Variants in NEBL observed in about 807,000 individuals in gnomAD.
NEBL encodes nebulette, also known as LIM and SH3 protein 2.
In NEBL, 122 loss-of-function variants were observed where a neutral mutation model predicts 140.2. The ratio of observed to expected loss-of-function variants is 0.87; its 90% CI spans 0.75 to 1.01. The LOEUF is 1.01. NEBL is among the 50% of genes least tolerant of loss of function. The probability of loss-of-function intolerance (pLI) is 0.00; values close to 1 mark genes in which losing one functional copy is unlikely to be tolerated. For synonymous variants in NEBL, 436 were observed against 398.9 expected (o/e 1.09, Z -1.11); for missense variants, 1,365 against 1,231.3 (o/e 1.11, Z -1.62).
Position 21,204,157 on chromosome 10 carries a change from C to G in NEBL, n.349-31680G>C, listed in dbSNP as rs111602840. Among the ~76,000 whole-genome samples, 801 of 152,298 alleles carry G rather than the reference C, an allele frequency of 5.3e-3. 4 individuals are homozygous for G. Among genetic ancestry groups the G allele is most frequent in the Non-Finnish European group, 8.8e-3 (599 of 68,030 alleles). The stretch of plus-strand genomic sequence containing the variant: ...GTTACCCCTGTGAGCACCTGAACTT[C>G]AGTCCTACTGGGGTCCTCTGGGAGA... On this transcript the variant is annotated intron_variant and non_coding_transcript_variant, in intron 3 of 8. Transcript: ENST00000675702.
intron 4 of NEBL, among the ~76,000 whole-genome samples, chr10:20,917,809 T>C (rs1465837708): frequency 6.6e-6 from 1 of 152,224 alleles, no homozygotes; most frequent in African/African-American, 2.4e-5. Flanking sequence ...GATACTTCTT[T>C]GAGAAGCCAA....
chr10:20,986,995 G>T (rs1837282358), intron 3 of NEBL, among the ~76,000 whole-genome samples: 1 of 152,112 alleles, frequency 6.6e-6, no homozygotes, highest in South Asian at 2.1e-4. Flanking sequence ...TTTAGCAATT[G>T]TAAAGCATCG....
intron 2 of NEBL, among the ~76,000 whole-genome samples, chr10:21,102,681 A>G (rs1837528290): frequency 6.6e-6 from 1 of 152,178 alleles, no homozygotes; most frequent in Admixed American, 6.5e-5. Flanking sequence ...GTACTATTGC[A>G]TTGTATGAGT....
At chr10:21,206,828 G>A (rs1841833178) in intron 3 of NEBL, among the ~76,000 whole-genome samples, 3 of 152,086 alleles carry the variant, frequency 2.0e-5, no homozygotes, top group Non-Finnish European at 4.4e-5. Flanking sequence ...GGATTTTCCA[G>A]CTGGTTGTCA....
chr10:20,801,066 A>G (rs1837073980), intron 26 of NEBL, among the ~76,000 whole-genome samples: 1 of 152,190 alleles, frequency 6.6e-6, no homozygotes, highest in South Asian at 2.1e-4. Flanking sequence ...ATCTAGACAC[A>G]CAGCCTCAAG....
At chr10:20,798,914 C>A (rs901158253) in intron 26 of NEBL, among the ~76,000 whole-genome samples, 6 of 152,122 alleles carry the variant, frequency 3.9e-5, no homozygotes, top group African/African-American at 1.4e-4. Flanking sequence ...GAAAAGAAAA[C>A]GTATGACATT....
At chr10:21,139,226 T>A (rs1839502293) in intron 2 of NEBL, among the ~76,000 whole-genome samples, 1 of 152,146 alleles carries the variant, frequency 6.6e-6, no homozygotes, top group Admixed American at 6.5e-5. Flanking sequence ...TAATTCAAAG[T>A]AACATGAAGA....
At chr10:20,970,019 G>C (rs1564466250) in intron 3 of NEBL, among the ~76,000 whole-genome samples, 1 of 152,146 alleles carries the variant, frequency 6.6e-6, no homozygotes, top group Non-Finnish European at 1.5e-5. Context: ...TAGTATCTCT[G>C]AGATTCAGTT....
intron 2 of NEBL, among the ~76,000 whole-genome samples, chr10:21,123,455 C>T (rs1350645940): frequency 3.9e-5 from 6 of 152,176 alleles, no homozygotes; most frequent in Non-Finnish European, 8.8e-5. Flanking sequence ...TATTCATACA[C>T]TGAAGATATC....
intron 1 of NEBL, among the ~76,000 whole-genome samples, chr10:21,279,223 A>G (rs560967167): frequency 7.8e-4 from 119 of 152,018 alleles, no homozygotes; most frequent in African/African-American, 2.8e-3. Flanking sequence ...TTATTTATGG[A>G]TGCCAAGATT....
In NEBL at chr10:21,102,998, C is replaced by T. The variant is rs1478808968; in HGVS notation, c.164+69385G>A. Among the ~76,000 whole-genome samples the T allele has an allele frequency of 2.9e-5, 4 of 138,170 alleles. No individual in the cohort carries two copies. In the East Asian group the frequency reaches 9.2e-4, roughly 32 times the overall value. The allele number at this position is 138,170 out of a possible 152,430, so 90.6% of individuals were successfully genotyped here. ...TCCCCCCACCCCACTTCCAGACAGG[C>T]CCCAGTGCATATTGTTCCCCTCCTT... On this transcript the variant is annotated intron_variant, in intron 2 of 6. Coordinates refer to the NEBL transcript ENST00000417816.
intron 3 of NEBL, among the ~76,000 whole-genome samples, chr10:21,199,685 C>T (rs1224948510): frequency 1.3e-5 from 2 of 152,196 alleles, no homozygotes; most frequent in African/African-American, 4.8e-5. Flanking sequence ...AGCCACACAT[C>T]TCTCCAGCTG....
chr10:21,178,927 A>G (rs1841344389), upstream of NEBL, among the ~76,000 whole-genome samples: 1 of 152,172 alleles, frequency 6.6e-6, no homozygotes, highest in Non-Finnish European at 1.5e-5. Context: ...GTGGCAGGCA[A>G]AATAATCCAC....
At chr10:21,014,886 T>C (rs531934402) in intron 3 of NEBL, among the ~76,000 whole-genome samples, 3 of 152,210 alleles carry the variant, frequency 2.0e-5, no homozygotes, top group Non-Finnish European at 4.4e-5. Flanking sequence ...GTACTTCCTA[T>C]GAACCACGTT....
chr10:20,980,013 A>G (rs1387228577), intron 3 of NEBL, among the ~76,000 whole-genome samples: 1 of 151,938 alleles, frequency 6.6e-6, no homozygotes, highest in Non-Finnish European at 1.5e-5. Flanking sequence ...TTAAAATTTT[A>G]AGATGTGAAT....
chr10:20,802,198 AAAGT>A (rs1293978100), intron 26 of NEBL, among the ~76,000 whole-genome samples: 6 of 152,210 alleles, frequency 3.9e-5, no homozygotes, highest in African/African-American at 1.4e-4. Flanking sequence ...AAAGAAACAC[AAAGT>A]AATACCGGGA....
At chr10:21,170,357 A>G (rs1841018566) in intron 2 of NEBL, 3 of 152,190 alleles carry the variant, frequency 2.0e-5, no homozygotes, top group Non-Finnish European at 4.4e-5. Context: ...CTGAATCCTG[A>G]TGTGGTCCAT....
At chr10:21,250,797 G>T (rs1230540573) in intron 2 of NEBL, among the ~76,000 whole-genome samples, 1 of 151,962 alleles carries the variant, frequency 6.6e-6, no homozygotes, top group Non-Finnish European at 1.5e-5. Context: ...CAACTGTGAG[G>T]CAGGAGAATC....
chr10:20,819,611 G>A, intron 19 of NEBL, 95 bp from the exon 20 acceptor site: 2 of 1,403,772 alleles, frequency 1.4e-6, no homozygotes, highest in Non-Finnish European at 2.0e-6. Flanking sequence ...CATGGCTACA[G>A]AACATTCATT....
Sources: gnomAD v4.1 joint callset for allele counts (sites outside exome capture counted in the v4.1 genomes callset) on GRCh38, gnomAD v4.1.1 for gene constraint, MANE v1.5 for transcripts, NCBI Gene and HGNC (gene_info 2026-07-23, HGNC 2026-07-21) for gene names.